Variants in PYY observed in about 807,000 individuals in gnomAD.
PYY encodes peptide YY.
In PYY, 12 loss-of-function variants were observed where a neutral mutation model predicts 10.3. The ratio of observed to expected loss-of-function variants is 1.17; its 90% CI spans 0.75 to 1.89. PYY has a LOEUF of 1.89. Among genes scored for constraint, PYY ranks in the 40% most tolerant of loss-of-function variants. PYY has a pLI of 0.00. For missense variants in PYY, 141 were observed against 134.0 expected (o/e 1.05, Z -0.26); for synonymous variants, 66 against 62.0 (o/e 1.06, Z -0.30).
At chr17:43,961,733 G>T (rs952630972) in intron 2 of PYY, among the ~76,000 whole-genome samples, 2 of 152,090 alleles carry the variant, frequency 1.3e-5, no homozygotes. Flanking sequence ...TAGAGACAGG[G>T]TTTCCCCCAT....
chr17:43,994,766 AC>A (rs951484893), intron 1 of PYY, among the ~76,000 whole-genome samples: 3 of 151,540 alleles, frequency 2.0e-5, no homozygotes, highest in Admixed American at 2.0e-4. Flanking sequence ...TCACTCCCCC[AC>A]CCACGAGCTG....
rs544004167 is a variant in PYY, at chr17:43,991,467, G to T, written c.-463+12924C>A. Among the ~76,000 whole-genome samples, 17 of 152,272 alleles carry T rather than the reference G, an allele frequency of 1.1e-4. No homozygotes were observed. In the East Asian group the frequency reaches 3.3e-3, roughly 29 times the overall value. Reference sequence around the variant, plus strand: ...ATAAATAAGATCTCAACTGGGAAAAGAAATAAGGGTAGTAAGTCTATGTAA... The same window carrying T: ...ATAAATAAGATCTCAACTGGGAAAATAAATAAGGGTAGTAAGTCTATGTAA... On this transcript the variant is annotated intron_variant, in intron 1 of 6. Coordinates refer to the PYY transcript ENST00000360085.
chr17:43,972,175 T>C (rs1046987504), intron 1 of PYY, among the ~76,000 whole-genome samples: 1 of 134,376 alleles, frequency 7.4e-6, no homozygotes, highest in African/African-American at 2.8e-5. Context: ...TTTAGTTATT[T>C]ATTTATTTTA....
intron 1 of PYY, among the ~76,000 whole-genome samples, chr17:43,997,184 A>T (rs1014038950): frequency 4.0e-5 from 6 of 151,668 alleles, no homozygotes; most frequent in Admixed American, 4.0e-4. Context: ...GATTACAGGC[A>T]TGCACCACCA....
chr17:43,953,183 C>T lies in PYY; in HGVS notation c.195G>A (p.Gly65=). 1 of 1,613,664 alleles carries T rather than the reference C, an allele frequency of 6.2e-7. No homozygotes were observed. Among genetic ancestry groups the T allele is most frequent in the Non-Finnish European group, 8.5e-7 (1 of 1,179,688 alleles). ...GAAGCGTGTCCGGGCCGTCTCTTTT[C>T]CCATACCTGGGGGCGGGGAAGGGAA... ...YLNLVTRQRY[G]KRDGPDTLLS... Residue 65 remains glycine, a synonymous_variant, in exon 3 of 4, where the codon GGG becomes GGA. Transcript: ENST00000692052.
chr17:43,998,613 G>A (rs1031978157), intron 1 of PYY, among the ~76,000 whole-genome samples: 4 of 152,074 alleles, frequency 2.6e-5, no homozygotes, highest in African/African-American at 7.2e-5. Context: ...TGTCCAGGCT[G>A]CAGTACAGTG....
intron 2 of PYY, among the ~76,000 whole-genome samples, chr17:43,963,627 AGAAAG>A (rs763091839): frequency 4.7e-5 from 1 of 21,412 alleles, no homozygotes; most frequent in South Asian, 4.9e-3. Context: ...AGAAAGAAAG[AGAAAG>A]AAAGAAAAGA....
At chr17:43,953,512 A>G (rs767690408) in intron 1 of PYY, 29 bp from the exon 2 acceptor site, 53 of 1,551,296 alleles carry the variant, frequency 3.4e-5, no homozygotes, top group Non-Finnish European at 4.5e-5. Context: ...GACGTGGGTC[A>G]TTCCAAGCCT....
intron 1 of PYY, among the ~76,000 whole-genome samples, chr17:43,980,309 A>G (rs1597853394): frequency 6.6e-6 from 1 of 151,358 alleles, no homozygotes; most frequent in East Asian, 2.0e-4. Flanking sequence ...GATTACAGGC[A>G]TGCGCCACCA....
intron 1 of PYY, among the ~76,000 whole-genome samples, chr17:43,986,639 C>T (rs2048917600): frequency 1.3e-5 from 2 of 152,164 alleles, no homozygotes; most frequent in African/African-American, 4.8e-5. Flanking sequence ...AATAGCCTTG[C>T]AAGGTCATGT....
chr17:43,970,024 G>A (rs771929157), intron 1 of PYY, among the ~76,000 whole-genome samples: 4 of 151,832 alleles, frequency 2.6e-5, no homozygotes, highest in Admixed American at 6.6e-5. Context: ...ATACAGACAT[G>A]AGCCACCACG....
chr17:43,974,745 A>T (rs1476623366), intron 1 of PYY, among the ~76,000 whole-genome samples: 1 of 152,182 alleles, frequency 6.6e-6, no homozygotes, highest in Non-Finnish European at 1.5e-5. Flanking sequence ...CTAACATTGT[A>T]TTCTAAAAAT....
chr17:43,974,509 G>C (rs553120104), intron 1 of PYY, among the ~76,000 whole-genome samples: 1 of 152,114 alleles, frequency 6.6e-6, no homozygotes, highest in Non-Finnish European at 1.5e-5. Context: ...TTTCATCTCT[G>C]AGCTTTGGTT....
chr17:43,976,943 C>T (rs750270233), intron 1 of PYY, among the ~76,000 whole-genome samples: 18 of 152,142 alleles, frequency 1.2e-4, no homozygotes, highest in Admixed American at 2.0e-4. Flanking sequence ...CCACCCTACC[C>T]GATACACATC....
intron 1 of PYY, among the ~76,000 whole-genome samples, chr17:44,003,205 G>A (rs2049042166): frequency 6.6e-6 from 1 of 151,906 alleles, no homozygotes; most frequent in Non-Finnish European, 1.5e-5. Flanking sequence ...GCTAATTTTT[G>A]TATTTTTAGT....
chr17:43,972,195 A>ATTTTT (rs376003060), intron 1 of PYY, among the ~76,000 whole-genome samples: 2 of 100,210 alleles, frequency 2.0e-5, no homozygotes, highest in East Asian at 9.4e-4. Flanking sequence ...ATTTTATTTT[A>ATTTTT]TTTATTTATT....
intron 2 of PYY, among the ~76,000 whole-genome samples, chr17:43,963,626 G>GAAAGAAAGAA (rs3080254): frequency 0.066 from 5,398 of 81,950 alleles, 270 homozygotes; most frequent in South Asian, 0.096. Context: ...AAGAAAGAAA[G>GAAAGAAAGAA]AGAAAGAAAG....
Position 43,984,158 on chromosome 17 carries a change from G to T in PYY, c.-462-17626C>A, listed in dbSNP as rs556233458. Reference sequence around the variant, plus strand: ...CAAGAAGCGATGGGGTCGCTGTTAGGGGGGGCGCCAGCCCCGGGGATGCGG... The same window carrying T: ...CAAGAAGCGATGGGGTCGCTGTTAGTGGGGGCGCCAGCCCCGGGGATGCGG... On this transcript the variant is annotated intron_variant, in intron 1 of 6. Coordinates refer to the PYY transcript ENST00000360085. 6.6e-5 allele frequency among the ~76,000 whole-genome samples: 10 copies of T among 152,232 alleles called. No individual in the cohort carries two copies. The South Asian group carries it at 1.0e-3, about 16-fold the overall frequency.
intron 1 of PYY, among the ~76,000 whole-genome samples, chr17:43,970,945 G>A (rs2048788763): frequency 6.6e-6 from 1 of 152,118 alleles, no homozygotes; most frequent in Non-Finnish European, 1.5e-5. Context: ...ATATATTAAT[G>A]TGGTTTGTTT....
Sources: allele counts gnomAD v4.1 joint callset (sites outside exome capture counted in the v4.1 genomes callset), GRCh38; gene constraint gnomAD v4.1.1; transcripts MANE v1.5; gene names NCBI Gene and HGNC (gene_info 2026-07-23, HGNC 2026-07-21).